Variants in PPP1R14C observed in about 807,000 individuals in gnomAD.
PPP1R14C encodes the protein protein phosphatase 1 regulatory inhibitor subunit 14C.
Under a neutral mutation model 20.4 loss-of-function variants are expected in PPP1R14C, and 16 were observed. The observed-to-expected ratio is 0.78, with a 90% CI of 0.53 to 1.19. PPP1R14C has a LOEUF of 1.19. Ranked by LOEUF, PPP1R14C falls within the 50% of genes most tolerant of loss-of-function variation. The pLI, the probability that PPP1R14C is intolerant of heterozygous loss-of-function variation, is 0.00. For synonymous variants in PPP1R14C, 91 were observed against 91.0 expected (o/e 1.00, Z 0.00); for missense variants, 211 against 220.1 (o/e 0.96, Z 0.26).
At chr6:150,207,699 A>G (rs1777971344) in intron 1 of PPP1R14C, among the ~76,000 whole-genome samples, 1 of 152,250 alleles carries the variant, frequency 6.6e-6, no homozygotes, top group Admixed American at 6.5e-5. Context: ...CTCTTGATAG[A>G]TAGTCTGAGA....
chr6:150,223,794 G>A (rs1198550122), intron 3 of PPP1R14C, among the ~76,000 whole-genome samples: 2 of 152,084 alleles, frequency 1.3e-5, no homozygotes, highest in African/African-American at 4.8e-5. Context: ...CTCCCAGTCT[G>A]TGGCTTCTCT....
chr6:150,237,979 A>G (rs377105609), intron 3 of PPP1R14C, among the ~76,000 whole-genome samples: 1 of 152,150 alleles, frequency 6.6e-6, no homozygotes, highest in African/African-American at 2.4e-5. Flanking sequence ...GCATCATTAT[A>G]CGATCCATAG....
At chr6:150,227,318 G>A (rs979365517) in intron 3 of PPP1R14C, among the ~76,000 whole-genome samples, 2 of 152,156 alleles carry the variant, frequency 1.3e-5, no homozygotes, top group Non-Finnish European at 2.9e-5. Flanking sequence ...CTGAGACCTG[G>A]CAGGGAACTT....
chr6:150,154,881 C>A (rs545810362), intron 1 of PPP1R14C, among the ~76,000 whole-genome samples: 1 of 152,212 alleles, frequency 6.6e-6, no homozygotes, highest in Non-Finnish European at 1.5e-5. Flanking sequence ...CAGACACTCA[C>A]AGCCACCATA....
intron 1 of PPP1R14C, among the ~76,000 whole-genome samples, chr6:150,154,490 G>A (rs2114853911): frequency 6.6e-6 from 1 of 152,312 alleles, no homozygotes; most frequent in Non-Finnish European, 1.5e-5. Context: ...GAAAAAAAAT[G>A]AGGGAGATCT....
chr6:150,143,162 G>C lies in PPP1R14C; in HGVS notation c.-31G>C. On this transcript the variant is annotated 5_prime_UTR_variant, in exon 1 of 4. Transcript: ENST00000361131. The surrounding 1 kb of genome is among the most constrained non-coding windows in gnomAD (Gnocchi z 5.6). ...GGCGCGCTCCGCCCGCCCCTCCTCC[G>C]GGCCGCACTGAGGCTCGGGCGCGCG... is the stretch of plus-strand genomic sequence containing the variant. 7.8e-7 allele frequency: 1 copy of C among 1,284,852 alleles called. No homozygotes were observed. Among genetic ancestry groups the C allele is most frequent in the Non-Finnish European group, 9.8e-7 (1 of 1,023,912 alleles). 79.6% of individuals were successfully genotyped at this position (1,284,852 alleles called of 1,614,324 possible). A position where few individuals can be genotyped will look rare whatever the true frequency, so the allele number is the denominator to read the frequency against.
intron 1 of PPP1R14C, among the ~76,000 whole-genome samples, chr6:150,203,668 A>AT (rs1429190703): frequency 2.7e-5 from 4 of 150,462 alleles, no homozygotes; most frequent in African/African-American, 9.7e-5. Flanking sequence ...TGAGCAGTTG[A>AT]TAGTGCAGGG....
intron 3 of PPP1R14C, among the ~76,000 whole-genome samples, chr6:150,246,500 A>G (rs970401810): frequency 6.6e-6 from 1 of 152,238 alleles, no homozygotes; most frequent in African/African-American, 2.4e-5. Context: ...AAAATGTGGC[A>G]TGATTTTATC....
intron 1 of PPP1R14C, among the ~76,000 whole-genome samples, chr6:150,177,480 G>A (rs1201963170): frequency 6.6e-6 from 1 of 152,194 alleles, no homozygotes; most frequent in Admixed American, 6.5e-5. Flanking sequence ...GAAGGGTCAT[G>A]TGTAGCACGT....
At chr6:150,154,528 G>A (rs558985382) in intron 1 of PPP1R14C, among the ~76,000 whole-genome samples, 8 of 152,344 alleles carry the variant, frequency 5.3e-5, no homozygotes, top group Non-Finnish European at 7.3e-5. Flanking sequence ...ACCTTTAGAT[G>A]TTCTATGCTA....
chr6:150,204,666 G>T (rs1777921915), intron 1 of PPP1R14C, among the ~76,000 whole-genome samples: 1 of 152,178 alleles, frequency 6.6e-6, no homozygotes, highest in Admixed American at 6.5e-5. Flanking sequence ...ACAGGTGTGG[G>T]AACTAAGGGT....
intron 1 of PPP1R14C, among the ~76,000 whole-genome samples, chr6:150,180,186 A>G (rs1777606382): frequency 6.6e-6 from 1 of 152,254 alleles, no homozygotes; most frequent in South Asian, 2.1e-4. Context: ...TGGGTGACAG[A>G]GTGAGACTCC....
intron 1 of PPP1R14C, among the ~76,000 whole-genome samples, chr6:150,205,981 C>A (rs1181190857): frequency 6.6e-6 from 1 of 152,046 alleles, no homozygotes; most frequent in East Asian, 1.9e-4. Flanking sequence ...GAGAACCCAT[C>A]AATGGCTTTT....
chr6:150,167,758 G>A (rs1187509184), intron 1 of PPP1R14C, among the ~76,000 whole-genome samples: 2 of 152,094 alleles, frequency 1.3e-5, no homozygotes, highest in African/African-American at 2.4e-5. Context: ...GTGGCAGGAC[G>A]CCTGGCCACA....
At chr6:150,187,029 G>A (rs970549019) in intron 1 of PPP1R14C, among the ~76,000 whole-genome samples, 3 of 151,832 alleles carry the variant, frequency 2.0e-5, no homozygotes, top group Non-Finnish European at 4.4e-5. Context: ...AGGCTGGAGT[G>A]CAATGGTGCA....
chr6:150,177,537 T>C (rs1777576170), intron 1 of PPP1R14C, among the ~76,000 whole-genome samples: 1 of 152,046 alleles, frequency 6.6e-6, no homozygotes, highest in South Asian at 2.1e-4. Flanking sequence ...GCAGATCCGG[T>C]GGTCACAGAT....
intron 1 of PPP1R14C, among the ~76,000 whole-genome samples, chr6:150,168,772 T>TATTATATAATTACTCTTCTTATACA (rs1404560749): frequency 2.6e-5 from 4 of 152,240 alleles, no homozygotes; most frequent in African/African-American, 4.8e-5. Context: ...TTTACAACTT[T>TATTATATAATTACTCTTCTTATACA]ATTATATAAT....
chr6:150,229,299 C>T (rs1582929206), intron 3 of PPP1R14C, among the ~76,000 whole-genome samples: 2 of 152,328 alleles, frequency 1.3e-5, no homozygotes, highest in African/African-American at 4.8e-5. Flanking sequence ...GTTATTTATA[C>T]TTTAGTTCCT....
chr6:150,218,391 A>C (rs938199454), intron 3 of PPP1R14C, among the ~76,000 whole-genome samples: 6 of 151,804 alleles, frequency 4.0e-5, no homozygotes, highest in Non-Finnish European at 8.8e-5. Flanking sequence ...CGACAGAGCG[A>C]GACTCCGTCT....
Sources: gnomAD v4.1 joint callset for allele counts (sites outside exome capture counted in the v4.1 genomes callset) on GRCh38, gnomAD v4.1.1 for gene constraint, Gnocchi (gnomAD v3.1) non-coding constraint, MANE v1.5 for transcripts, NCBI Gene and HGNC (gene_info 2026-07-23, HGNC 2026-07-21) for gene names.